AK5: variants seen among roughly 807,000 people sequenced by gnomAD.
AK5 encodes the protein adenylate kinase 5, also known as adenylate kinase isoenzyme 5.
AK5 carries 27 observed loss-of-function variants against 69.5 expected under a neutral mutation model. The ratio of observed to expected loss-of-function variants is 0.39; its 90% confidence interval spans 0.29 to 0.54. The LOEUF is 0.54. Among genes scored for constraint, AK5 ranks in the 20% least tolerant of loss-of-function variants. The probability of loss-of-function intolerance (pLI) is 0.71; values close to 1 mark genes in which losing one functional copy is unlikely to be tolerated. For synonymous variants in AK5, 260 were observed against 244.4 expected (o/e 1.06, Z -0.60); for missense variants, 531 against 700.4 (o/e 0.76, Z 2.73).
At position 77,473,651 on chromosome 1, in the gene AK5, G is replaced by A. The variant is rs1654657691; in HGVS notation, c.1060-9666G>A. On this transcript the variant is annotated intron_variant, in intron 8 of 13. Coordinates refer to ENST00000354567, the MANE Select transcript of AK5 (RefSeq NM_174858.3). ...CTATTTTTACTATATTTTGAAAAAA[G>A]AAGCTGTCTTCTTATATTCATCATT... Among the ~76,000 whole-genome samples, 4 of 152,064 alleles carry A rather than the reference G, an allele frequency of 2.6e-5. No individual in the cohort carries two copies. The South Asian group carries it at 8.3e-4, about 32-fold the overall frequency.
chr1:77,522,255 T>TA (rs1658032424), intron 12 of AK5, among the ~76,000 whole-genome samples: 1 of 152,196 alleles, frequency 6.6e-6, no homozygotes, highest in Non-Finnish European at 1.5e-5. Flanking sequence ...GCTTACCTTC[T>TA]ACCATCTAAG....
intron 6 of AK5, among the ~76,000 whole-genome samples, chr1:77,389,683 T>A (rs1648283243): frequency 6.6e-6 from 1 of 152,196 alleles, no homozygotes; most frequent in Non-Finnish European, 1.5e-5. Context: ...TTTTTAAGGC[T>A]GGGCACGATG....
intron 3 of AK5, 71 bp downstream of exon 3, chr1:77,294,031 T>C (rs1260618577): frequency 1.4e-6 from 2 of 1,402,352 alleles, no homozygotes; most frequent in Admixed American, 4.5e-5. Context: ...TTCAAAAAAG[T>C]AAATCATATA....
chr1:77,409,557 A>G (rs1274471439), intron 6 of AK5, among the ~76,000 whole-genome samples: 1 of 151,972 alleles, frequency 6.6e-6, no homozygotes, highest in Non-Finnish European at 1.5e-5. Flanking sequence ...ATGTCTGTTC[A>G]TGTCCTTTGC....
chr1:77,474,780 AACAC>A (rs1331319514), intron 8 of AK5, among the ~76,000 whole-genome samples: 1 of 152,200 alleles, frequency 6.6e-6, no homozygotes, highest in Non-Finnish European at 1.5e-5. Flanking sequence ...AAAACACACA[AACAC>A]ACATATAATG....
At chr1:77,419,432 C>A (rs1650657133) in intron 8 of AK5, among the ~76,000 whole-genome samples, 1 of 151,622 alleles carries the variant, frequency 6.6e-6, no homozygotes, top group Non-Finnish European at 1.5e-5. Flanking sequence ...TGAAAGAAAT[C>A]ATAATATAAG....
At chr1:77,400,811 A>G (rs1173203075) in intron 6 of AK5, among the ~76,000 whole-genome samples, 1 of 152,080 alleles carries the variant, frequency 6.6e-6, no homozygotes. Flanking sequence ...GAAGGCTTAG[A>G]AAATAAGTGT....
intron 5 of AK5, among the ~76,000 whole-genome samples, chr1:77,313,414 G>A (rs1004021133): frequency 3.3e-5 from 5 of 152,186 alleles, no homozygotes; most frequent in Admixed American, 3.3e-4. Context: ...TTTTTTAGGT[G>A]TGCACCAAAT....
chr1:77,539,121 A>C (rs1659136469), intron 13 of AK5, among the ~76,000 whole-genome samples: 1 of 152,238 alleles, frequency 6.6e-6, no homozygotes, highest in Non-Finnish European at 1.5e-5. Context: ...AGCTGCTGGA[A>C]CTACCAAAAC....
intron 12 of AK5, among the ~76,000 whole-genome samples, chr1:77,529,517 G>A (rs1658465433): frequency 6.6e-6 from 1 of 152,040 alleles, no homozygotes; most frequent in Non-Finnish European, 1.5e-5. Context: ...TAGAGATGGG[G>A]TTTCACCATG....
At chr1:77,444,359 T>C (rs12080101) in intron 8 of AK5, among the ~76,000 whole-genome samples, 1,726 of 41,870 alleles carry the variant, frequency 0.041, 120 homozygotes, top group Non-Finnish European at 0.058. Flanking sequence ...TATGTGTATA[T>C]ATAGTATAAA....
At chr1:77,475,482 TTA>T (rs1231215736) in intron 8 of AK5, among the ~76,000 whole-genome samples, 5 of 50,698 alleles carry the variant, frequency 9.9e-5, no homozygotes, top group South Asian at 6.2e-4. Flanking sequence ...TGTATATATA[TTA>T]TATATATACA....
intron 6 of AK5, among the ~76,000 whole-genome samples, chr1:77,342,430 G>T (rs1429867417): frequency 6.6e-6 from 1 of 152,148 alleles, no homozygotes; most frequent in African/African-American, 2.4e-5. Flanking sequence ...TTGCATGGAG[G>T]TGAAATGCCA....
intron 5 of AK5, among the ~76,000 whole-genome samples, chr1:77,337,554 G>A (rs947757600): frequency 6.6e-6 from 1 of 151,994 alleles, no homozygotes; most frequent in South Asian, 2.1e-4. Flanking sequence ...GGCTGAAGCT[G>A]GATGTTACTG....
Position 77,518,667 on chromosome 1 carries a change from A to C in AK5, c.1251A>C (p.Ser417=), listed in dbSNP as rs1167011689. 6.2e-7 allele frequency: 1 copy of C among 1,614,248 alleles called. No homozygotes were observed. The highest frequency in any genetic ancestry group is 1.7e-5 in the Admixed American group (1 of 60,030). The change falls in exon 11 of 14, where the codon TCA becomes TCC. Residue 417 remains serine (S), a synonymous_variant. Transcript: ENST00000354567. ...AGCTCCTGCGTGAGGAACTGGCATC[A>C]GAATCTGAAAGAAGCAAATTGATCA... is the stretch of plus-strand genomic sequence containing the variant. ...TGELLREELA[S]ESERSKLIRD...
chr1:77,495,253 C>A (rs1656241869), intron 10 of AK5, among the ~76,000 whole-genome samples: 1 of 152,180 alleles, frequency 6.6e-6, no homozygotes, highest in Non-Finnish European at 1.5e-5. Flanking sequence ...GTTTCTCAGA[C>A]ATCAAAGCCC....
At chr1:77,488,181 G>A (rs1234109931) in intron 10 of AK5, among the ~76,000 whole-genome samples, 1 of 152,144 alleles carries the variant, frequency 6.6e-6, no homozygotes, top group Admixed American at 6.5e-5. Flanking sequence ...GTTGTCATCT[G>A]CTTACCTCTA....
chr1:77,522,461 G>C (rs1658044874), intron 12 of AK5, among the ~76,000 whole-genome samples: 1 of 152,146 alleles, frequency 6.6e-6, no homozygotes, highest in African/African-American at 2.4e-5. Flanking sequence ...GGGAGCAAGG[G>C]CACCACACCT....
At chr1:77,433,601 T>C (rs1280430725) in intron 8 of AK5, among the ~76,000 whole-genome samples, 4 of 151,624 alleles carry the variant, frequency 2.6e-5, no homozygotes, top group Non-Finnish European at 5.9e-5. Flanking sequence ...CATGAATAGT[T>C]TTCCCATTTT....
Sources: allele counts gnomAD v4.1 joint callset (sites outside exome capture counted in the v4.1 genomes callset), GRCh38; gene constraint gnomAD v4.1.1; transcripts MANE v1.5; gene names NCBI Gene and HGNC (gene_info 2026-07-23, HGNC 2026-07-21).